Variants in ZNF638 observed in about 807,000 individuals in gnomAD.
ZNF638 encodes CTCL tumor antigen se33-1.
A neutral mutation model predicts 195.6 loss-of-function variants in ZNF638; 46 were observed. The ratio of observed to expected loss-of-function variants is 0.24; its 90% CI spans 0.19 to 0.30. The LOEUF is 0.30. Ranked by LOEUF, ZNF638 falls within the 10% of genes least tolerant of loss-of-function variation. The pLI, the probability that ZNF638 is intolerant of heterozygous loss-of-function variation, is 1.00. For synonymous variants in ZNF638, 845 were observed against 772.0 expected, an observed-to-expected ratio of 1.09 and a Z score of -1.57; for missense variants, 2,440 against 2,325.3, an observed-to-expected ratio of 1.05 and a Z score of -1.01.
intron 8 of ZNF638, among the ~76,000 whole-genome samples, chr2:71,370,828 C>G (rs1486722216): frequency 2.6e-5 from 4 of 152,048 alleles, no homozygotes; most frequent in Non-Finnish European, 5.9e-5. Flanking sequence ...CTTTGTGTAT[C>G]AAATAATCCA....
intron 10 of ZNF638, among the ~76,000 whole-genome samples, chr2:71,383,215 C>T (rs60427159): frequency 0.013 from 1,930 of 151,958 alleles, 38 homozygotes; most frequent in African/African-American, 0.042. Flanking sequence ...CTCAGGAGGC[C>T]GAGGCACGAG....
chr2:71,361,006 C>G (rs780519914), intron 3 of ZNF638, among the ~76,000 whole-genome samples: 3 of 152,068 alleles, frequency 2.0e-5, no homozygotes, highest in Admixed American at 6.6e-5. Flanking sequence ...TAATGAAGAT[C>G]AACAATATTA....
In ZNF638 at chr2:71,365,297, A is replaced by C. The variant is rs138814637; in HGVS notation, c.1718-132A>C. 1,548 of 730,940 alleles carry C rather than the reference A, an allele frequency of 2.1e-3. 11 individuals carry two copies. The African/African-American group carries it at 0.022, about 11-fold the overall frequency. The allele number at this position is 730,940 out of a possible 1,614,324, so 45.3% of individuals were successfully genotyped here. ...CTTCATGTAAAAGCCTTCTGAGTGC[A>C]TAAAATCTAGATTTTTGTATTGTCT... On this transcript the variant is annotated intron_variant, in intron 5 of 27. Transcript: ENST00000264447.
chr2:71,342,498 T>G (rs561107951), intron 1 of ZNF638, among the ~76,000 whole-genome samples: 1 of 152,322 alleles, frequency 6.6e-6, no homozygotes, highest in East Asian at 1.9e-4. Context: ...AGCCTGTAAC[T>G]TTTGCCTCTT....
At chr2:71,389,856 G>A (rs1241505084) in intron 10 of ZNF638, among the ~76,000 whole-genome samples, 2 of 152,152 alleles carry the variant, frequency 1.3e-5, no homozygotes, top group Non-Finnish European at 2.9e-5. Context: ...AAATGCTAAC[G>A]TCGACTGCCA....
Position 71,348,963 on chromosome 2 carries a change from A to G in ZNF638, c.9A>G (p.Arg3=). 6.2e-7 allele frequency: 1 copy of G among 1,614,114 alleles called. No homozygotes were observed. The change falls in exon 2 of 28, where the codon AGA becomes AGG. Residue 3 remains arginine (R), a synonymous_variant. Coordinates refer to ENST00000264447, the MANE Select transcript of ZNF638 (RefSeq NM_014497.5). MS[R]PRFNPRGDFP... ...CTTTCTTGAAAATAGCCATGTCGAG[A>G]CCCAGGTTTAATCCTCGAGGAGACT...
intron 20 of ZNF638, chr2:71,418,243 TCTTA>T: frequency 5.9e-6 from 1 of 169,452 alleles, no homozygotes; most frequent in Non-Finnish European, 1.3e-5. Context: ...AGCTGATCTC[TCTTA>T]GAAGTCTTTT....
chr2:71,347,967 A>G (rs1189980652), intron 1 of ZNF638, among the ~76,000 whole-genome samples: 1 of 152,224 alleles, frequency 6.6e-6, no homozygotes, highest in Non-Finnish European at 1.5e-5. Flanking sequence ...TGTTGTGAGC[A>G]TCAAATGACC....
chr2:71,371,073 C>A (rs1204295527), intron 8 of ZNF638, among the ~76,000 whole-genome samples: 1 of 152,102 alleles, frequency 6.6e-6, no homozygotes. Flanking sequence ...TTAGATACCA[C>A]AAATAAGTGG....
At chr2:71,399,457 C>G in intron 12 of ZNF638, 102 bp from the exon 13 acceptor site, 1 of 756,382 alleles carries the variant, frequency 1.3e-6, no homozygotes, top group Non-Finnish European at 2.2e-6. Context: ...AAAAGAGCTG[C>G]TTTTGTAATA....
chr2:71,376,148 C>G (rs754104277), intron 8 of ZNF638: 3 of 152,232 alleles, frequency 2.0e-5, no homozygotes, highest in Non-Finnish European at 4.4e-5. Context: ...TATTTACTGT[C>G]ATGATTTTCA....
chr2:71,354,524 T>C (rs2104210765), intron 2 of ZNF638, among the ~76,000 whole-genome samples: 1 of 152,006 alleles, frequency 6.6e-6, no homozygotes, highest in Admixed American at 6.6e-5. Context: ...TCACCTGAGG[T>C]CAGGAGTTCG....
Position 71,365,352 on chromosome 2 carries a change from A to G in ZNF638, c.1718-77A>G, listed in dbSNP as rs900310468. On this transcript the variant is annotated intron_variant, in intron 5 of 27. Coordinates refer to ENST00000264447, the MANE Select transcript of ZNF638 (RefSeq NM_014497.5). ...GCTCCCTGTTTAGCTTGAGAATAGC[A>G]CTATGTGATTATGTCATGAGATGGC... 8.4e-6 allele frequency: 10 copies of G among 1,187,238 alleles called. No homozygotes were observed. In the African/African-American group the frequency reaches 1.4e-4, roughly 17 times the overall value. The allele number at this position is 1,187,238 out of a possible 1,614,324, so 73.5% of individuals were successfully genotyped here. A position where few individuals can be genotyped will look rare whatever the true frequency, so the allele number is the denominator to read the frequency against.
chr2:71,395,989 T>A, intron 10 of ZNF638, 152 bp from the exon 11 acceptor site: 1 of 675,302 alleles, frequency 1.5e-6, no homozygotes, highest in Non-Finnish European at 2.6e-6. Flanking sequence ...ATCTAAGAAT[T>A]TGCCCCCATA....
chr2:71,336,080 A>G (rs1321464035), intron 1 of ZNF638, among the ~76,000 whole-genome samples: 1 of 152,218 alleles, frequency 6.6e-6, no homozygotes, highest in South Asian at 2.1e-4. Flanking sequence ...TTAAAAATGT[A>G]CTTGATAAGG....
chr2:71,364,690 T>C (rs1225683562), intron 5 of ZNF638, among the ~76,000 whole-genome samples: 1 of 152,226 alleles, frequency 6.6e-6, no homozygotes, highest in Non-Finnish European at 1.5e-5. Context: ...ACACTCCCAC[T>C]GTTTCACTTG....
intron 1 of ZNF638, among the ~76,000 whole-genome samples, chr2:71,336,109 C>T (rs767864884): frequency 2.0e-4 from 31 of 152,178 alleles, no homozygotes; most frequent in Non-Finnish European, 3.2e-4. Flanking sequence ...CGGTGGCTCA[C>T]GCCTGTAATC....
chr2:71,369,931 T>C lies in ZNF638; in HGVS notation c.2191T>C (p.Tyr731His). 6.3e-7 allele frequency: 1 copy of C among 1,596,794 alleles called. No individual in the cohort carries two copies. Among genetic ancestry groups the C allele is most frequent in the Non-Finnish European group, 8.5e-7 (1 of 1,174,794 alleles). ...FKEAITAIMK[Y>H]IETTPLTIKG... ...AGAGGCAATTACTGCAATTATGAAG[T>C]ACATTGAAACAACACCTCTTACGAT... Residue 731 changes from tyrosine (Y) to histidine (H), a missense_variant, in exon 8 of 28, where the codon TAC becomes CAC. Coordinates refer to ENST00000264447, the MANE Select transcript of ZNF638 (RefSeq NM_014497.5).
At chr2:71,431,951 G>T (rs909276857) in intron 26 of ZNF638, among the ~76,000 whole-genome samples, 15 of 152,216 alleles carry the variant, frequency 9.9e-5, no homozygotes, top group Non-Finnish European at 1.9e-4. Flanking sequence ...AATCTGGGAT[G>T]TATCTCCTCT....
Sources: gnomAD v4.1 joint callset for allele counts (sites outside exome capture counted in the v4.1 genomes callset) on GRCh38, gnomAD v4.1.1 for gene constraint, MANE v1.5 for transcripts, NCBI Gene and HGNC (gene_info 2026-07-23, HGNC 2026-07-21) for gene names.